Variants in SMG1 observed in about 807,000 individuals in gnomAD.
The protein encoded by SMG1 is SMG1 nonsense mediated mRNA decay associated PI3K related kinase.
A neutral mutation model predicts 419.9 loss-of-function variants in SMG1; 22 were observed. That is an observed-to-expected ratio of 0.05 (90% confidence interval 0.04 to 0.07). SMG1 has a LOEUF of 0.07. Ranked by LOEUF, SMG1 falls within the 10% of genes least tolerant of loss-of-function variation. The pLI, the probability that SMG1 is intolerant of heterozygous loss-of-function variation, is 1.00. For missense variants in SMG1, 3,185 were observed against 4,342.0 expected, an observed-to-expected ratio of 0.73 and a Z score of 7.49; for synonymous variants, 1,538 against 1,553.5, an observed-to-expected ratio of 0.99 and a Z score of 0.23.
At chr16:18,882,378 T>C in intron 9 of SMG1, 40 bp from the exon 10 acceptor site, 1 of 1,196,626 alleles carries the variant, frequency 8.4e-7, no homozygotes, top group Non-Finnish European at 1.1e-6. Context: ...AGTAGTACAT[T>C]GTTTTAAATA....
rs1301783040 is a variant in SMG1, at chr16:18,863,990, C to G, written c.3493+12G>C. The G allele has an allele frequency of 1.0e-5, 16 of 1,549,878 alleles. No individual in the cohort carries two copies. Among genetic ancestry groups the G allele is most frequent in the Non-Finnish European group, 1.4e-5 (16 of 1,146,978 alleles). ...ATAACTTTTGCTTTATTTAAAAATACTGAACGCTCACCATTCAGAGAATGT... is the reference window on the plus strand; with the variant it reads ...ATAACTTTTGCTTTATTTAAAAATAGTGAACGCTCACCATTCAGAGAATGT... On this transcript the variant is annotated intron_variant, in intron 24 of 62. Coordinates refer to ENST00000446231, the MANE Select transcript of SMG1 (RefSeq NM_015092.5).
At chr16:18,896,383 G>C (rs146915209) in intron 2 of SMG1, among the ~76,000 whole-genome samples, 176 bp from the exon 3 acceptor site, 14 of 152,176 alleles carry the variant, frequency 9.2e-5, no homozygotes, top group Admixed American at 2.6e-4. Context: ...ATACACCTTT[G>C]AAGTTAAATT....
intron 30 of SMG1, 105 bp from the exon 31 acceptor site, chr16:18,853,972 G>T: frequency 9.5e-7 from 1 of 1,048,476 alleles, no homozygotes; most frequent in Non-Finnish European, 1.3e-6. Flanking sequence ...ACACCACCAT[G>T]TTGATGGTTT....
Position 18,868,371 on chromosome 16 carries a change from A to G in SMG1, c.3031-17T>C, listed in dbSNP as rs1370957426. 1 of 1,182,554 alleles carries G rather than the reference A, an allele frequency of 8.5e-7. No homozygotes were observed. Among genetic ancestry groups the G allele is most frequent in the Non-Finnish European group, 1.2e-6 (1 of 829,622 alleles). 73.3% of individuals were successfully genotyped at this position (1,182,554 alleles called of 1,614,324 possible). ...TCTAATGACCTTTACGATAAGAGAA[A>G]GAAAAGCTCAGGACTGGTTCAATTT... On this transcript the variant is annotated splice_polypyrimidine_tract_variant and intron_variant, in intron 21 of 62. Transcript: ENST00000446231.
At chr16:18,818,108 TGTG>T (rs2032180751) in intron 56 of SMG1, among the ~76,000 whole-genome samples, 1 of 149,560 alleles carries the variant, frequency 6.7e-6, no homozygotes, top group Non-Finnish European at 1.5e-5. Flanking sequence ...ATTGGCCAGG[TGTG>T]GTGGCTCACA....
intron 7 of SMG1, 167 bp from the exon 8 acceptor site, chr16:18,885,329 A>G (rs2036568986): frequency 2.9e-6 from 2 of 680,276 alleles, no homozygotes; most frequent in Admixed American, 5.4e-5. Context: ...AAAGAACTAC[A>G]TTTCTGACAA....
chr16:18,843,482 G>A (rs777363472), intron 39 of SMG1, among the ~76,000 whole-genome samples: 8 of 152,100 alleles, frequency 5.3e-5, no homozygotes, highest in Non-Finnish European at 8.8e-5. Context: ...TCTGGACTCC[G>A]CTTCCATGTG....
chr16:18,839,598 G>C (rs1463982094), intron 42 of SMG1, 100 bp downstream of exon 42: 17 of 1,466,240 alleles, frequency 1.2e-5, no homozygotes, highest in Non-Finnish European at 1.5e-5. Flanking sequence ...AAGTCTGGAG[G>C]GACAGAGGAA....
At chr16:18,810,506 A>AT (rs759041277) in intron 62 of SMG1, among the ~76,000 whole-genome samples, 14 of 152,224 alleles carry the variant, frequency 9.2e-5, no homozygotes, top group Admixed American at 2.0e-4. Flanking sequence ...CTGAATGACC[A>AT]TTTTTTACCT....
chr16:18,815,052 CAGTTT>C (rs2031872527), intron 60 of SMG1, 118 bp downstream of exon 60: 1 of 669,558 alleles, frequency 1.5e-6, no homozygotes, highest in African/African-American at 1.8e-5. Flanking sequence ...AAAATCTGTT[CAGTTT>C]AAGATTATAG....
intron 51 of SMG1, among the ~76,000 whole-genome samples, chr16:18,831,774 C>T (rs59098660): frequency 0.074 from 9,185 of 123,884 alleles, 321 homozygotes; most frequent in African/African-American, 0.1. Flanking sequence ...AAAAAAAATA[C>T]ATATATATAT....
chr16:18,864,831 A>T (rs904864262), intron 23 of SMG1, among the ~76,000 whole-genome samples: 5 of 152,182 alleles, frequency 3.3e-5, no homozygotes, highest in Non-Finnish European at 7.3e-5. Flanking sequence ...CCCACAAAAA[A>T]TGGTGCAAGA....
intron 3 of SMG1, 40 bp from the exon 4 acceptor site, chr16:18,892,394 A>G (rs2036923532): frequency 6.9e-7 from 1 of 1,439,608 alleles, no homozygotes; most frequent in East Asian, 2.5e-5. Flanking sequence ...TTGAGTATAA[A>G]TAAGCAAAGA....
intron 60 of SMG1, among the ~76,000 whole-genome samples, chr16:18,813,004 C>CT (rs2031619509): frequency 1.3e-5 from 2 of 152,024 alleles, no homozygotes; most frequent in Admixed American, 1.3e-4. Context: ...TGAACTCATC[C>CT]TTTTTTATGG....
Position 18,838,611 on chromosome 16 carries a change from GAAC to G in SMG1, c.7021_7023del (p.Val2341del). ...ACTTCTCCAGTCGTCATATCTATAAGAACATTATCCAGATGTCTGTCTCCAAGG... is the reference window on the plus strand; with the variant it reads ...ACTTCTCCAGTCGTCATATCTATAAGATTATCCAGATGTCTGTCTCCAAGG... On this transcript the variant is annotated inframe_deletion, in exon 43 of 63. Coordinates refer to ENST00000446231, the MANE Select transcript of SMG1 (RefSeq NM_015092.5). The G allele has an allele frequency of 6.2e-7, 1 of 1,613,640 alleles. No homozygotes were observed. Among genetic ancestry groups the G allele is most frequent in the Non-Finnish European group, 8.5e-7 (1 of 1,179,668 alleles).
rs772493845 is a variant in SMG1 at position 18,896,882 on chromosome 16, T to C, written c.167A>G (p.Tyr56Cys). 1.9e-6 allele frequency: 3 copies of C among 1,608,312 alleles called. No homozygotes were observed. Among genetic ancestry groups the C allele is most frequent in the Non-Finnish European group, 1.7e-6 (2 of 1,177,656 alleles). The stretch of plus-strand genomic sequence containing the variant: ...AGCTGAATTTGAAGGTTGCAGTCCA[T>C]AAGAGGAAGAACCACCTCTATCTCT... ...SSRDRGGSSS[Y>C]GLQPSNSAVV... Residue 56 changes from tyrosine (Y) to cysteine (C), a missense_variant, in exon 2 of 63, where the codon TAT becomes TGT. By Grantham distance (194) the Tyr-to-Cys change is radical. Coordinates refer to ENST00000446231, the MANE Select transcript of SMG1 (RefSeq NM_015092.5).
Position 18,879,270 on chromosome 16 carries a change from T to C in SMG1, c.1518+225A>G, listed in dbSNP as rs1160402006. 33 of 521,662 alleles carry C rather than the reference T, an allele frequency of 6.3e-5. No homozygotes were observed. In the East Asian group the frequency reaches 1.2e-3, roughly 18 times the overall value. The allele number at this position is 521,662 out of a possible 1,614,324, so 32.3% of individuals were successfully genotyped here. ...AGCTAGGACTACAGGTGCACGCCAC[T>C]ACACCAAGCTAATTTTTGACTTTTT... On this transcript the variant is annotated intron_variant, in intron 11 of 62. Transcript: ENST00000446231.
intron 41 of SMG1, among the ~76,000 whole-genome samples, chr16:18,841,209 G>A (rs2033898358): frequency 6.6e-6 from 1 of 152,202 alleles, no homozygotes; most frequent in East Asian, 1.9e-4. Context: ...AGACCAACCT[G>A]AGCAACATGG....
intron 1 of SMG1, among the ~76,000 whole-genome samples, chr16:18,903,453 T>C (rs1479230029): frequency 6.6e-6 from 1 of 152,188 alleles, no homozygotes; most frequent in African/African-American, 2.4e-5. Flanking sequence ...CCAAAACATC[T>C]GTAAAACTTT....
Sources: allele counts gnomAD v4.1 joint callset (sites outside exome capture counted in the v4.1 genomes callset), GRCh38; gene constraint gnomAD v4.1.1; transcripts MANE v1.5; gene names NCBI Gene and HGNC (gene_info 2026-07-23, HGNC 2026-07-21).